GORAB: variants seen among roughly 807,000 people sequenced by gnomAD.
GORAB encodes golgin, RAB6 interacting.
Under a neutral mutation model 29.9 loss-of-function variants are expected in GORAB, and 17 were observed. The ratio of observed to expected loss-of-function variants is 0.57; its 90% CI spans 0.39 to 0.85. The LOEUF (loss-of-function observed/expected upper bound fraction) is 0.85. Among genes scored for constraint, GORAB ranks in the 40% least tolerant of loss-of-function variants. The pLI, the probability that GORAB is intolerant of heterozygous loss-of-function variation, is 0.00. For missense variants in GORAB, 442 were observed against 437.8 expected (o/e 1.01, Z -0.09); for synonymous variants, 183 against 157.2 (o/e 1.16, Z -1.23).
In GORAB at chr1:170,542,487, C is replaced by G. The variant is rs1428192500; in HGVS notation, c.420-4C>G. On this transcript the variant is annotated splice_polypyrimidine_tract_variant and splice_region_variant and intron_variant, in intron 2 of 4. Transcript: ENST00000367763. ...CTCATTTTTATGCTTTTTTTGCCCC[C>G]TAGGCAAGAAAAATCTCGTTGGGAA... 6.2e-7 allele frequency: 1 copy of G among 1,605,048 alleles called. No individual in the cohort carries two copies. The highest frequency in any genetic ancestry group is 1.3e-5 in the African/African-American group (1 of 74,828).
At chr1:170,541,046 A>T (rs1649382434) in intron 2 of GORAB, among the ~76,000 whole-genome samples, 1 of 152,028 alleles carries the variant, frequency 6.6e-6, no homozygotes, top group Non-Finnish European at 1.5e-5. Flanking sequence ...TACCAAAAAT[A>T]CAAAAAAATT....
intron 4 of GORAB, among the ~76,000 whole-genome samples, chr1:170,550,020 C>T (rs534722379): frequency 1.7e-4 from 26 of 152,264 alleles, no homozygotes; most frequent in African/African-American, 3.4e-4. Context: ...GTATTATTAT[C>T]ATCATTGTTT....
intron 4 of GORAB, among the ~76,000 whole-genome samples, chr1:170,550,981 CT>C (rs1197013570): frequency 3.3e-5 from 5 of 152,218 alleles, no homozygotes; most frequent in African/African-American, 1.2e-4. Flanking sequence ...AAGGTGACTT[CT>C]CTAGTAGAAT....
At chr1:170,546,176 G>T (rs1467775161) in intron 4 of GORAB, among the ~76,000 whole-genome samples, 1 of 152,146 alleles carries the variant, frequency 6.6e-6, no homozygotes, top group Non-Finnish European at 1.5e-5. Flanking sequence ...GGATCACGAG[G>T]TCAGGAGTTC....
intron 1 of GORAB, chr1:170,533,586 G>A (rs910415899): frequency 2.0e-5 from 9 of 454,478 alleles, no homozygotes; most frequent in Middle Eastern, 6.5e-4. Context: ...TCACTCTGCC[G>A]GGGATTGGAT....
chr1:170,552,558 A>C lies in GORAB; in HGVS notation c.*96A>C. 2 of 1,036,506 alleles carry C rather than the reference A, an allele frequency of 1.9e-6. No individual in the cohort carries two copies. Among genetic ancestry groups the C allele is most frequent in the African/African-American group, 1.6e-5 (1 of 63,758 alleles). The allele number at this position is 1,036,506 out of a possible 1,614,324, so 64.2% of individuals were successfully genotyped here. ...CCTCCAATAAAAACCTCTTTAAAAC[A>C]ATGCTGATTTTTGAATTCATGATTA... is the stretch of plus-strand genomic sequence containing the variant. On this transcript the variant is annotated 3_prime_UTR_variant, in exon 5 of 5. Transcript: ENST00000367763.
chr1:170,552,154 G>C lies in GORAB; in HGVS notation c.802G>C (p.Glu268Gln). 1 of 1,614,104 alleles carries C rather than the reference G, an allele frequency of 6.2e-7. No homozygotes were observed. Among genetic ancestry groups the C allele is most frequent in the Non-Finnish European group, 8.5e-7 (1 of 1,179,984 alleles). The change falls in exon 5 of 5, where the codon GAG becomes CAG. Residue 268 changes from glutamate to glutamine, a missense_variant. Transcript: ENST00000367763. The stretch of plus-strand genomic sequence containing the variant: ...TGAGCTCCGAAAGGCCAAGAAGTTG[G>C]AGGAGTTGATGCAACAACTAGATGT... The part of the protein sequence containing the change: ...QNELRKAKKL[E>Q]ELMQQLDVEA...
At chr1:170,547,239 G>A (rs1649817760) in intron 4 of GORAB, among the ~76,000 whole-genome samples, 1 of 152,068 alleles carries the variant, frequency 6.6e-6, no homozygotes, top group South Asian at 2.1e-4. Flanking sequence ...TAATAAAAAT[G>A]ATATCTTAGT....
chr1:170,552,458 C>T lies in GORAB; in HGVS notation c.1106C>T (p.Thr369Ile), dbSNP rs754312139. 2 of 1,613,130 alleles carry T rather than the reference C, an allele frequency of 1.2e-6. No individual in the cohort carries two copies. The highest frequency in any genetic ancestry group is 1.7e-6 in the Non-Finnish European group (2 of 1,179,526). ...AATGACATTTCAGCTGCTTTGGCCA[C>T]ATGAAGTTCTGGTATTCTTTTGAGC... ...EGNDISAALA[T>I] Residue 369 changes from threonine to isoleucine, a missense_variant, in exon 5 of 5, where the codon ACA becomes ATA. Physicochemically the swap from Thr to Ile is moderately conservative, Grantham distance 89 (BLOSUM62 -1). Transcript: ENST00000367763.
chr1:170,532,893 G>T (rs1443464608), intron 1 of GORAB, among the ~76,000 whole-genome samples: 1 of 152,160 alleles, frequency 6.6e-6, no homozygotes, highest in Admixed American at 6.5e-5. Flanking sequence ...TATACATACA[G>T]TCTTACTGAC....
chr1:170,553,716 C>G lies in GORAB; in HGVS notation c.*1254C>G. ...TGAAAGTATAACATTTTACTACTGA[C>G]TTCTCTAAACAGAAGCATTTCTATA... On this transcript the variant is annotated 3_prime_UTR_variant, in exon 5 of 5. Coordinates refer to ENST00000367763, the MANE Select transcript of GORAB (RefSeq NM_152281.3). 1 of 449,266 alleles carries G rather than the reference C, an allele frequency of 2.2e-6. No individual in the cohort carries two copies. Among genetic ancestry groups the G allele is most frequent in the Non-Finnish European group, 4.4e-6 (1 of 225,690 alleles). 27.8% of individuals were successfully genotyped at this position (449,266 alleles called of 1,614,324 possible).
intron 4 of GORAB, among the ~76,000 whole-genome samples, chr1:170,547,780 T>C (rs917253519): frequency 6.6e-6 from 1 of 152,232 alleles, no homozygotes; most frequent in Non-Finnish European, 1.5e-5. Flanking sequence ...TATAGTTACA[T>C]CCTTGTAGCA....
chr1:170,539,207 T>C lies in GORAB; in HGVS notation c.62-3T>C, dbSNP rs73029138. 3.2e-3 allele frequency: 5,156 copies of C among 1,614,078 alleles called. 164 individuals are homozygous for C. In the African/African-American group the frequency reaches 0.059, roughly 18 times the overall value. On this transcript the variant is annotated splice_region_variant and splice_polypyrimidine_tract_variant and intron_variant, in intron 1 of 4. Coordinates refer to ENST00000367763, the MANE Select transcript of GORAB (RefSeq NM_152281.3). ...GAATTTTCCTCTATTTTCTTTTACATAGATCCATTTGAACCACAGCGACGT... is the reference window on the plus strand; with the variant it reads ...GAATTTTCCTCTATTTTCTTTTACACAGATCCATTTGAACCACAGCGACGT...
intron 2 of GORAB, among the ~76,000 whole-genome samples, chr1:170,540,953 A>G (rs1205566420): frequency 6.6e-6 from 1 of 152,176 alleles, no homozygotes; most frequent in East Asian, 1.9e-4. Flanking sequence ...CTATAATCCC[A>G]GCACTTTGGG....
intron 4 of GORAB, 192 bp downstream of exon 4, chr1:170,545,037 A>G: frequency 1.5e-6 from 2 of 1,307,788 alleles, no homozygotes; most frequent in Non-Finnish European, 9.7e-7. Context: ...CTGCCCTACT[A>G]GTTAACCTTG....
intron 1 of GORAB, among the ~76,000 whole-genome samples, chr1:170,538,301 G>A (rs10919427): frequency 0.038 from 5,724 of 152,206 alleles, 353 homozygotes; most frequent in African/African-American, 0.13. Context: ...TGCTTCAAAA[G>A]TCAATATGCC....
intron 1 of GORAB, among the ~76,000 whole-genome samples, chr1:170,534,916 A>G (rs1648961155): frequency 6.6e-6 from 1 of 152,198 alleles, no homozygotes; most frequent in Non-Finnish European, 1.5e-5. Context: ...ATTGGTATTT[A>G]TGAAATCAGG....
Position 170,552,919 on chromosome 1 carries a change from C to T in GORAB, c.*457C>T, listed in dbSNP as rs1228360566. 2 of 450,690 alleles carry T rather than the reference C, an allele frequency of 4.4e-6. No homozygotes were observed. Among genetic ancestry groups the T allele is most frequent in the Non-Finnish European group, 8.8e-6 (2 of 226,072 alleles). The allele number at this position is 450,690 out of a possible 1,614,324, so 27.9% of individuals were successfully genotyped here. On this transcript the variant is annotated 3_prime_UTR_variant, in exon 5 of 5. Transcript: ENST00000367763. ...AATTACAGTGTGAACAAGAGAAAAACAGGAATAGAAGAAAAAAGTTGCAGG... is the reference window on the plus strand; with the variant it reads ...AATTACAGTGTGAACAAGAGAAAAATAGGAATAGAAGAAAAAAGTTGCAGG...
At chr1:170,538,428 A>C (rs2101819722) in intron 1 of GORAB, among the ~76,000 whole-genome samples, 1 of 152,326 alleles carries the variant, frequency 6.6e-6, no homozygotes, top group South Asian at 2.1e-4. Context: ...AATGTGGGTC[A>C]GATTCTCCAA....
Sources: allele counts gnomAD v4.1 joint callset (sites outside exome capture counted in the v4.1 genomes callset), GRCh38; gene constraint gnomAD v4.1.1; transcripts MANE v1.5; gene names NCBI Gene and HGNC (gene_info 2026-07-23, HGNC 2026-07-21).